The following PARD3 variants were observed in gnomAD, a reference collection of about 807,000 sequenced individuals.
The protein encoded by PARD3 is par-3 family cell polarity regulator, also known as partitioning defective 3 homolog.
PARD3 carries 75 observed loss-of-function variants against 155.4 expected under a neutral mutation model. The observed-to-expected ratio is 0.48, with a 90% confidence interval of 0.40 to 0.58. The LOEUF (loss-of-function observed/expected upper bound fraction) is 0.58. Ranked by LOEUF, PARD3 falls within the 20% of genes least tolerant of loss-of-function variation. PARD3 has a pLI of 0.00. For missense variants in PARD3, 1,642 were observed against 1,721.7 expected, an observed-to-expected ratio of 0.95 and a Z score of 0.82; for synonymous variants, 576 against 610.5, an observed-to-expected ratio of 0.94 and a Z score of 0.83.
chr10:34,138,024 AG>A (rs1258575292), intron 22 of PARD3, among the ~76,000 whole-genome samples: 1 of 152,242 alleles, frequency 6.6e-6, no homozygotes, highest in Non-Finnish European at 1.5e-5. Flanking sequence ...GATGGATTTA[AG>A]GTGGCCCTAA....
intron 2 of PARD3, among the ~76,000 whole-genome samples, chr10:34,641,088 T>G (rs965885346): frequency 1.3e-5 from 2 of 152,172 alleles, no homozygotes; most frequent in Non-Finnish European, 2.9e-5. Flanking sequence ...ACAAAAGTAT[T>G]TGTGATTAAT....
At chr10:34,355,924 C>CAAAAAAAAAAAAAAAAAAAAAA (rs869284165) in intron 14 of PARD3, among the ~76,000 whole-genome samples, 1 of 42,744 alleles carries the variant, frequency 2.3e-5, no homozygotes, top group Non-Finnish European at 4.4e-5. Context: ...CACTCCGTCT[C>CAAAAAAAAAAAAAAAAAAAAAA]AAAAAAAAAA....
In PARD3 at chr10:34,344,440, A is replaced by G. The variant is rs148292441; in HGVS notation, c.2219-2624T>C. On this transcript the variant is annotated intron_variant, in intron 15 of 24. Transcript: ENST00000374788. Reference sequence around the variant, plus strand: ...TGGGACTACGGGTGTGCAACACAACATCCGGCTAATTTTTGTATTTTTCGT... The same window carrying G: ...TGGGACTACGGGTGTGCAACACAACGTCCGGCTAATTTTTGTATTTTTCGT... 2,914 of 521,532 alleles carry G rather than the reference A, an allele frequency of 5.6e-3. 11 individuals are homozygous for G. Among genetic ancestry groups the G allele is most frequent in the Non-Finnish European group, 6.6e-3 (2,672 of 406,214 alleles). The allele number at this position is 521,532 out of a possible 1,614,324, so 32.3% of individuals were successfully genotyped here.
At chr10:34,295,399 C>T (rs1956861260) in intron 20 of PARD3, among the ~76,000 whole-genome samples, 1 of 152,184 alleles carries the variant, frequency 6.6e-6, no homozygotes, top group African/African-American at 2.4e-5. Flanking sequence ...TGTGCACTGG[C>T]CTGGAATTCC....
rs1951123655 is a variant in PARD3, at chr10:34,199,799, A to G, written c.3420-68216T>C. On this transcript the variant is annotated intron_variant, in intron 22 of 24. Transcript: ENST00000374788. Reference sequence around the variant, plus strand: ...GGAGAAATCAGTAACTGGGCCATAAAATGAGGCAAGTCCCTCGTTAGAGCA... The same window carrying G: ...GGAGAAATCAGTAACTGGGCCATAAGATGAGGCAAGTCCCTCGTTAGAGCA... Among the ~76,000 whole-genome samples the G allele has an allele frequency of 2.0e-5, 3 of 152,164 alleles. No individual in the cohort carries two copies. The South Asian group carries it at 6.2e-4, about 32-fold the overall frequency.
chr10:34,789,766 G>A (rs1383967967), intron 1 of PARD3, among the ~76,000 whole-genome samples: 1 of 151,972 alleles, frequency 6.6e-6, no homozygotes, highest in Non-Finnish European at 1.5e-5. Context: ...CAGAAAGAAT[G>A]CAAAGAAATG....
intron 1 of PARD3, among the ~76,000 whole-genome samples, chr10:34,727,999 T>C (rs1290740587): frequency 6.6e-6 from 1 of 152,072 alleles, no homozygotes; most frequent in Non-Finnish European, 1.5e-5. Flanking sequence ...ACATTCAACA[T>C]GTCAACCCGG....
intron 3 of PARD3, among the ~76,000 whole-genome samples, chr10:34,516,074 C>T (rs1318079414): frequency 1.3e-5 from 2 of 152,088 alleles, no homozygotes; most frequent in East Asian, 3.9e-4. Context: ...AAGCAATTCT[C>T]CTGTTTCAGC....
intron 22 of PARD3, among the ~76,000 whole-genome samples, chr10:34,263,642 C>A (rs1294691136): frequency 1.3e-5 from 2 of 152,004 alleles, no homozygotes; most frequent in African/African-American, 4.8e-5. Flanking sequence ...CAGAGTGAGA[C>A]CCTGTTTCAA....
chr10:34,238,834 T>C lies in PARD3; in HGVS notation c.3419+30823A>G, dbSNP rs184519491. On this transcript the variant is annotated intron_variant, in intron 22 of 24. Coordinates refer to ENST00000374788, the MANE Select transcript of PARD3 (RefSeq NM_001184785.2). The stretch of plus-strand genomic sequence containing the variant: ...TAATAAATCCACTGTGTCAACCTGA[T>C]TAAAAATAAGCAGCATTTTTTCCAG... Among the ~76,000 whole-genome samples the C allele has an allele frequency of 7.9e-5, 12 of 152,302 alleles. No homozygotes were observed. The East Asian group carries it at 2.3e-3, about 29-fold the overall frequency.
chr10:34,808,112 G>C (rs1214554628), intron 1 of PARD3, among the ~76,000 whole-genome samples: 1 of 152,168 alleles, frequency 6.6e-6, no homozygotes, highest in East Asian at 1.9e-4. Flanking sequence ...TCAGGTGTTT[G>C]AGATCAGCCT....
intron 22 of PARD3, among the ~76,000 whole-genome samples, chr10:34,135,958 G>A (rs1024769325): frequency 2.0e-5 from 3 of 152,196 alleles, no homozygotes; most frequent in Non-Finnish European, 2.9e-5. Flanking sequence ...CTGGCCTGGT[G>A]TTGCTTCTTA....
intron 22 of PARD3, among the ~76,000 whole-genome samples, chr10:34,197,968 C>T (rs943848664): frequency 6.6e-6 from 1 of 152,264 alleles, no homozygotes; most frequent in East Asian, 1.9e-4. Flanking sequence ...GATCTCTTGA[C>T]ATCGTGATCC....
chr10:34,595,965 A>AAAAT (rs1340944393), intron 2 of PARD3, among the ~76,000 whole-genome samples: 7 of 152,210 alleles, frequency 4.6e-5, no homozygotes, highest in Non-Finnish European at 1.0e-4. Flanking sequence ...TGTCTTTATA[A>AAAAT]AAATAAATAA....
chr10:34,338,168 C>T lies in PARD3; in HGVS notation c.2409-742G>A, dbSNP rs1836402194. On this transcript the variant is annotated intron_variant, in intron 16 of 24. Coordinates refer to ENST00000374788, the MANE Select transcript of PARD3 (RefSeq NM_001184785.2). ...TATATGAGAATCAGGAAGAAAATGACTAAGTTTAGATGACATTTGATTTGG... is the reference window on the plus strand; with the variant it reads ...TATATGAGAATCAGGAAGAAAATGATTAAGTTTAGATGACATTTGATTTGG... Among the ~76,000 whole-genome samples, 3 of 152,192 alleles carry T rather than the reference C, an allele frequency of 2.0e-5. No homozygotes were observed. The South Asian group carries it at 6.2e-4, about 32-fold the overall frequency.
At chr10:34,292,797 A>G (rs770929188) in intron 20 of PARD3, among the ~76,000 whole-genome samples, 6 of 152,134 alleles carry the variant, frequency 3.9e-5, no homozygotes, top group Non-Finnish European at 7.3e-5. Context: ...TGCAACCTTA[A>G]TGAATAACAT....
At chr10:34,411,200 C>T (rs113147759) in intron 5 of PARD3, among the ~76,000 whole-genome samples, 1 of 152,260 alleles carries the variant, frequency 6.6e-6, no homozygotes, top group African/African-American at 2.4e-5. Flanking sequence ...ACACATACCC[C>T]TTATTCCCCT....
intron 5 of PARD3, among the ~76,000 whole-genome samples, chr10:34,417,532 G>A (rs907033604): frequency 6.6e-6 from 1 of 152,104 alleles, no homozygotes; most frequent in Non-Finnish European, 1.5e-5. Context: ...AGTTGCAATA[G>A]AAATTCTTAA....
At chr10:34,416,817 G>T (rs1315647494) in intron 5 of PARD3, among the ~76,000 whole-genome samples, 3 of 152,208 alleles carry the variant, frequency 2.0e-5, no homozygotes, top group African/African-American at 7.2e-5. Flanking sequence ...ATCACAACAT[G>T]AACTGTAATG....
Sources: allele counts gnomAD v4.1 joint callset (sites outside exome capture counted in the v4.1 genomes callset), GRCh38; gene constraint gnomAD v4.1.1; transcripts MANE v1.5; gene names NCBI Gene and HGNC (gene_info 2026-07-23, HGNC 2026-07-21).